The following MACROD2 variants were observed in gnomAD, a reference collection of about 807,000 sequenced individuals.
MACROD2 encodes mono-ADP ribosylhydrolase 2, also known as ADP-ribose glycohydrolase MACROD2.
In MACROD2, 36 loss-of-function variants were observed where a neutral mutation model predicts 70.4. The ratio of observed to expected loss-of-function variants is 0.51; its 90% CI spans 0.39 to 0.68. The LOEUF is 0.68. Among genes scored for constraint, MACROD2 ranks in the 30% least tolerant of loss-of-function variants. The pLI is 0.00. For missense variants in MACROD2, 496 were observed against 538.4 expected, an observed-to-expected ratio of 0.92 and a Z score of 0.78; for synonymous variants, 172 against 178.8, an observed-to-expected ratio of 0.96 and a Z score of 0.30.
intron 4 of MACROD2, among the ~76,000 whole-genome samples, chr20:14,612,903 A>G (rs1983258064): frequency 6.6e-6 from 1 of 152,104 alleles, no homozygotes; most frequent in Admixed American, 6.6e-5. Flanking sequence ...ATCTAAATCT[A>G]TATCTACATC....
intron 5 of MACROD2, among the ~76,000 whole-genome samples, chr20:15,170,370 G>C (rs987626487): frequency 1.6e-4 from 25 of 152,178 alleles, no homozygotes; most frequent in Admixed American, 1.0e-3. Flanking sequence ...TCAGAGAAAA[G>C]TCACTACCTA....
chr20:15,745,403 C>T (rs551111670), intron 8 of MACROD2, among the ~76,000 whole-genome samples: 1 of 152,238 alleles, frequency 6.6e-6, no homozygotes, highest in South Asian at 2.1e-4. Flanking sequence ...ATCTGGATTT[C>T]ATTCGACTGA....
intron 7 of MACROD2, among the ~76,000 whole-genome samples, chr20:15,431,760 C>T (rs1473542672): frequency 1.3e-5 from 2 of 151,910 alleles, no homozygotes; most frequent in East Asian, 3.9e-4. Context: ...CAGTAGAAAG[C>T]ATAATGTACA....
chr20:15,380,206 A>T (rs2045623941), intron 6 of MACROD2, among the ~76,000 whole-genome samples: 1 of 152,176 alleles, frequency 6.6e-6, no homozygotes, highest in African/African-American at 2.4e-5. Context: ...CACAGCACTT[A>T]TCACAATCTG....
intron 5 of MACROD2, among the ~76,000 whole-genome samples, chr20:15,083,913 G>A (rs1601046694): frequency 1.3e-5 from 2 of 151,906 alleles, no homozygotes; most frequent in East Asian, 1.9e-4. Flanking sequence ...CCTTTCCCCT[G>A]ATGTCATTTA....
At chr20:14,103,541 C>A (rs948010968) in intron 3 of MACROD2, among the ~76,000 whole-genome samples, 1 of 152,038 alleles carries the variant, frequency 6.6e-6, no homozygotes, top group Non-Finnish European at 1.5e-5. Flanking sequence ...CACATGAATA[C>A]TTAAGATAGG....
rs185893713 is a variant in MACROD2, at chr20:14,492,446, A to G, written c.272-1033A>G. Among the ~76,000 whole-genome samples, 878 of 152,282 alleles carry G rather than the reference A, an allele frequency of 5.8e-3. 3 individuals are homozygous for G. The highest frequency in any genetic ancestry group is 0.011 in the Non-Finnish European group (722 of 68,000). ...GTAACAACAATCAGTAAACTGTCAC[A>G]TATCTAACCTCATGGAACTCACATA... is the stretch of plus-strand genomic sequence containing the variant. On this transcript the variant is annotated intron_variant, in intron 3 of 17. Transcript: ENST00000684519.
intron 5 of MACROD2, among the ~76,000 whole-genome samples, chr20:14,862,208 T>TATATATTTATACATAAATATATAA (rs2073344988): frequency 2.9e-4 from 3 of 10,242 alleles, no homozygotes; most frequent in African/African-American, 2.0e-3. Flanking sequence ...AATATATAAA[T>TATATATTTATACATAAATATATAA]ATATATATAT....
At chr20:15,271,338 C>T (rs1445507923) in intron 6 of MACROD2, among the ~76,000 whole-genome samples, 1 of 152,156 alleles carries the variant, frequency 6.6e-6, no homozygotes, top group African/African-American at 2.4e-5. Flanking sequence ...AGAGGCTCCA[C>T]TCTCATGACC....
At chr20:15,301,176 TGTA>T (rs1284494775) in intron 6 of MACROD2, among the ~76,000 whole-genome samples, 2 of 152,202 alleles carry the variant, frequency 1.3e-5, no homozygotes, top group Non-Finnish European at 2.9e-5. Flanking sequence ...AGGGTGGGCA[TGTA>T]GTTTCCTGGC....
intron 8 of MACROD2, among the ~76,000 whole-genome samples, chr20:15,789,283 T>C (rs1434444270): frequency 6.6e-6 from 1 of 152,222 alleles, no homozygotes; most frequent in East Asian, 1.9e-4. Context: ...TGTTTTGAAC[T>C]GTCTTTTGGA....
chr20:14,271,752 T>A (rs1471253784), intron 3 of MACROD2, among the ~76,000 whole-genome samples: 3 of 151,876 alleles, frequency 2.0e-5, no homozygotes, highest in Non-Finnish European at 4.4e-5. Flanking sequence ...TTGAAAAAAA[T>A]TTAGACAAAT....
intron 3 of MACROD2, among the ~76,000 whole-genome samples, chr20:14,402,768 T>G (rs2083651272): frequency 2.0e-5 from 3 of 152,178 alleles, no homozygotes; most frequent in Admixed American, 1.3e-4. Context: ...GAAAGAAACC[T>G]TCTTCCTTAG....
intron 6 of MACROD2, among the ~76,000 whole-genome samples, chr20:15,254,954 T>TTC (rs2077186676): frequency 7.9e-6 from 1 of 126,716 alleles, no homozygotes; most frequent in Non-Finnish European, 1.7e-5. Flanking sequence ...TTTTTTTTTT[T>TTC]CAGTTAAGAA....
At chr20:15,057,468 GC>G (rs1241915842) in intron 5 of MACROD2, among the ~76,000 whole-genome samples, 3 of 152,174 alleles carry the variant, frequency 2.0e-5, no homozygotes, top group Middle Eastern at 3.2e-3. Flanking sequence ...GGGCAAATGA[GC>G]AGGCCAAGCT....
intron 5 of MACROD2, among the ~76,000 whole-genome samples, chr20:15,092,023 A>T (rs2075796552): frequency 6.6e-6 from 1 of 152,136 alleles, no homozygotes; most frequent in African/African-American, 2.4e-5. Context: ...GTGCTTGGGA[A>T]TGAGGTCATT....
rs2076984620 is a variant in MACROD2 at position 15,233,983 on chromosome 20, T to TATA, written c.540+3922_540+3923insATA. Among the ~76,000 whole-genome samples the TATA allele has an allele frequency of 6.9e-3, 304 of 43,982 alleles. 10 individuals carry two copies. Among genetic ancestry groups the TATA allele is most frequent in the Non-Finnish European group, 0.01 (246 of 24,572 alleles). 28.9% of individuals were successfully genotyped at this position (43,982 alleles called of 152,430 possible). A position where few individuals can be genotyped will look rare whatever the true frequency, so the allele number is the denominator to read the frequency against. On this transcript the variant is annotated intron_variant, in intron 6 of 17. Coordinates refer to ENST00000684519, the MANE Select transcript of MACROD2 (RefSeq NM_001351661.2). ...AAAATTTATTTTTATATATATTTAT[T>TATA]TATATATATATATATATATATATAT...
intron 5 of MACROD2, among the ~76,000 whole-genome samples, chr20:15,037,522 C>T (rs1284439848): frequency 6.6e-6 from 1 of 152,192 alleles, no homozygotes; most frequent in East Asian, 1.9e-4. Flanking sequence ...TCTGCCAGGA[C>T]TGTCACATGT....
At position 15,133,692 on chromosome 20, in the gene MACROD2, C is replaced by A. The variant is rs183990344; in HGVS notation, c.419-96248C>A. 1.6e-3 allele frequency among the ~76,000 whole-genome samples: 245 copies of A among 152,208 alleles called. 1 individual carries two copies. The highest frequency in any genetic ancestry group is 5.7e-3 in the African/African-American group (235 of 41,550). ...CTCAGCAAATACTTGGAGAAGTTCA[C>A]CAACATGTTTGTACAATGATGTTCA... On this transcript the variant is annotated intron_variant, in intron 5 of 17. Transcript: ENST00000684519.
Sources: allele counts gnomAD v4.1 joint callset (sites outside exome capture counted in the v4.1 genomes callset), GRCh38; gene constraint gnomAD v4.1.1; transcripts MANE v1.5; gene names NCBI Gene and HGNC (gene_info 2026-07-23, HGNC 2026-07-21).